Variants in TP53I13 observed in about 807,000 individuals in gnomAD.
The protein encoded by TP53I13 is tumor protein p53-inducible protein 13.
Under a neutral mutation model 39.1 loss-of-function variants are expected in TP53I13, and 27 were observed. The ratio of observed to expected loss-of-function variants is 0.69; its 90% confidence interval spans 0.51 to 0.95. TP53I13 has a LOEUF of 0.95. TP53I13 is among the 40% of genes least tolerant of loss of function. The probability of loss-of-function intolerance (pLI) is 0.00; values close to 1 mark genes in which losing one functional copy is unlikely to be tolerated. For missense variants in TP53I13, 544 were observed against 520.4 expected, an observed-to-expected ratio of 1.05 and a Z score of -0.44; for synonymous variants, 230 against 224.6, an observed-to-expected ratio of 1.02 and a Z score of -0.22.
the TP53I13 span, chr17:29,581,917 C>A: frequency 6.2e-7 from 1 of 1,612,502 alleles, no homozygotes; most frequent in Non-Finnish European, 8.5e-7. This position sits in a 1 kb window ranked among gnomAD's most constrained non-coding sequence, Gnocchi z 4.8. Flanking sequence ...ACCCTTCAGC[C>A]GACCCTCACC....
downstream of TP53I13, chr17:29,577,058 C>T: frequency 6.2e-7 from 1 of 1,606,958 alleles, no homozygotes. Context: ...CTCAGGTCAC[C>T]ACTGGCAGGG....
downstream of TP53I13, chr17:29,575,715 A>C: frequency 1.2e-6 from 2 of 1,612,094 alleles, no homozygotes; most frequent in Non-Finnish European, 1.7e-6. This position sits in a 1 kb window ranked among gnomAD's most constrained non-coding sequence, Gnocchi z 5.5. Context: ...TGGAGGGCGG[A>C]GGGAAGGGGC....
chr17:29,581,915 G>A, the TP53I13 span: 3 of 1,600,614 alleles, frequency 1.9e-6, no homozygotes. This position sits in a 1 kb window ranked among gnomAD's most constrained non-coding sequence, Gnocchi z 4.8. Context: ...GCACCCTTCA[G>A]CCGACCCTCA....
the TP53I13 span, chr17:29,578,785 G>A: frequency 1.9e-6 from 3 of 1,613,858 alleles, no homozygotes; most frequent in South Asian, 2.2e-5. Context: ...CAAGGCTGAG[G>A]GCAGAGGGAG....
upstream of TP53I13, chr17:29,567,130 C>G (rs2032739331): frequency 5.3e-6 from 2 of 375,958 alleles, no homozygotes; most frequent in African/African-American, 2.2e-5. This position sits in a 1 kb window ranked among gnomAD's most constrained non-coding sequence, Gnocchi z 6.6. Context: ...CCAGTTCGGG[C>G]CCGGCTGCCC....
At chr17:29,582,079 G>C in the TP53I13 span, 2 of 1,607,502 alleles carry the variant, frequency 1.2e-6, no homozygotes, top group Non-Finnish European at 1.7e-6. Context: ...AGTTGGCCTG[G>C]GCACCCAGGG....
At chr17:29,578,104 G>A (rs987276114), downstream of TP53I13, among the ~76,000 whole-genome samples, 6 of 152,172 alleles carry the variant, frequency 3.9e-5, no homozygotes, top group Admixed American at 1.3e-4. Context: ...GGAGGAGCAC[G>A]CTAGCCGCCT....
upstream of TP53I13, chr17:29,566,549 C>A: frequency 1.2e-6 from 2 of 1,608,388 alleles, no homozygotes; most frequent in Non-Finnish European, 1.7e-6. Flanking sequence ...GGTCCTACCA[C>A]CCAGTCCAGG....
the TP53I13 span, chr17:29,579,182 C>A: frequency 6.7e-6 from 4 of 599,552 alleles, no homozygotes; most frequent in Non-Finnish European, 9.0e-6. Context: ...CTCTCAGTGA[C>A]CTGTTTGTCC....
Position 29,572,926 on chromosome 17 carries a change from G to T in TP53I13, c.*2G>T. The T allele has an allele frequency of 1.4e-6, 2 of 1,474,846 alleles. No homozygotes were observed. Among genetic ancestry groups the T allele is most frequent in the Non-Finnish European group, 1.8e-6 (2 of 1,118,396 alleles). 91.4% of individuals were successfully genotyped at this position (1,474,846 alleles called of 1,614,324 possible). ...CCGGAAGGCGAGAGCTCGGAGTGACGGCCTGGGACCTGCCACTGTGGCGTG... is the reference window on the plus strand; with the variant it reads ...CCGGAAGGCGAGAGCTCGGAGTGACTGCCTGGGACCTGCCACTGTGGCGTG... On this transcript the variant is annotated 3_prime_UTR_variant, in exon 7 of 7. Coordinates refer to ENST00000301057, the MANE Select transcript of TP53I13 (RefSeq NM_138349.4).
downstream of TP53I13, chr17:29,576,242 C>T (rs891785021): frequency 5.0e-6 from 8 of 1,608,648 alleles, no homozygotes; most frequent in Admixed American, 3.3e-5. Flanking sequence ...AGGCTGCAGC[C>T]GCGTAGTGAG....
At chr17:29,576,072 G>C, downstream of TP53I13, 1 of 1,613,504 alleles carries the variant, frequency 6.2e-7, no homozygotes, top group Non-Finnish European at 8.5e-7. Flanking sequence ...CCTTCCCCAG[G>C]CTTACCCGGT....
chr17:29,576,015 G>T (rs753532899), downstream of TP53I13: 4 of 1,576,582 alleles, frequency 2.5e-6, no homozygotes, highest in East Asian at 6.7e-5. Flanking sequence ...TCAGCACAGA[G>T]CCCAGAACCC....
chr17:29,580,620 G>A, the TP53I13 span, among the ~76,000 whole-genome samples: 1 of 152,140 alleles, frequency 6.6e-6, no homozygotes, highest in Non-Finnish European at 1.5e-5. Flanking sequence ...GCACGCTAGA[G>A]GCCTAGCCAG....
At chr17:29,578,214 C>T in the TP53I13 span, 1 of 1,121,716 alleles carries the variant, frequency 8.9e-7, no homozygotes, top group Non-Finnish European at 1.4e-6. Context: ...CCCCAGGCAC[C>T]CCTTCTTAGC....
At chr17:29,578,907 T>C in the TP53I13 span, 2 of 1,593,384 alleles carry the variant, frequency 1.3e-6, no homozygotes. Context: ...GCACACCAAA[T>C]GCCTCCCCGC....
At chr17:29,575,951 C>A, downstream of TP53I13, 3 of 1,551,234 alleles carry the variant, frequency 1.9e-6, no homozygotes, top group East Asian at 6.8e-5. The surrounding 1 kb of genome is among the most constrained non-coding windows in gnomAD (Gnocchi z 5.5). Context: ...TGCCCCCCTG[C>A]TCACCAGCAG....
chr17:29,578,054 G>A (rs2033273624), downstream of TP53I13, among the ~76,000 whole-genome samples: 1 of 152,214 alleles, frequency 6.6e-6, no homozygotes, highest in Non-Finnish European at 1.5e-5. Context: ...GCCAAAGTGG[G>A]AGGCTGCCAG....
chr17:29,566,327 C>T (rs758605343), upstream of TP53I13: 1 of 1,611,482 alleles, frequency 6.2e-7, no homozygotes, highest in Non-Finnish European at 8.5e-7. Flanking sequence ...TCCTTGAGGT[C>T]GGACGGGTCC....
Sources: gnomAD v4.1 joint callset for allele counts (sites outside exome capture counted in the v4.1 genomes callset) on GRCh38, gnomAD v4.1.1 for gene constraint, Gnocchi (gnomAD v3.1) non-coding constraint, MANE v1.5 for transcripts, NCBI Gene and HGNC (gene_info 2026-07-23, HGNC 2026-07-21) for gene names.